Variants in CSGALNACT1 observed in about 807,000 individuals in gnomAD.
CSGALNACT1 encodes the protein beta4GalNAcT-1.
In CSGALNACT1, 52 loss-of-function variants were observed where a neutral mutation model predicts 51.0. The ratio of observed to expected loss-of-function variants is 1.02; its 90% confidence interval spans 0.82 to 1.29. The LOEUF (loss-of-function observed/expected upper bound fraction) is 1.29, where lower values mean the gene tolerates loss of function less well. Ranked by LOEUF, CSGALNACT1 falls within the 50% of genes most tolerant of loss-of-function variation. The pLI is 0.00. For missense variants in CSGALNACT1, 935 were observed against 679.2 expected (o/e 1.38, Z -4.19); for synonymous variants, 341 against 254.4 (o/e 1.34, Z -3.24).
intron 4 of CSGALNACT1, among the ~76,000 whole-genome samples, chr8:19,470,261 T>A (rs1172131493): frequency 2.0e-5 from 3 of 152,054 alleles, no homozygotes; most frequent in African/African-American, 7.2e-5. Flanking sequence ...CAGGAGCTCA[T>A]GGCGCTAAGT....
chr8:19,667,006 A>G lies in CSGALNACT1; in HGVS notation c.-544+15467T>C, dbSNP rs1228714060. ...AAGAAAGAAAGAAAGAAAGAAAGAAAGAAAGAAAGAAAGGAAGGAAGGAAG... is the reference window on the plus strand; with the variant it reads ...AAGAAAGAAAGAAAGAAAGAAAGAAGGAAAGAAAGAAAGGAAGGAAGGAAG... On this transcript the variant is annotated intron_variant, in intron 1 of 9. Transcript: ENST00000332246. Among the ~76,000 whole-genome samples, 48 of 30,960 alleles carry G rather than the reference A, an allele frequency of 1.6e-3. 6 individuals carry two copies. Among genetic ancestry groups the G allele is most frequent in the Middle Eastern group, 0.017 (1 of 60 alleles). The allele number at this position is 30,960 out of a possible 152,430, so 20.3% of individuals were successfully genotyped here.
At chr8:19,573,517 C>A (rs979221949) in intron 3 of CSGALNACT1, among the ~76,000 whole-genome samples, 2 of 151,802 alleles carry the variant, frequency 1.3e-5, no homozygotes, top group Non-Finnish European at 2.9e-5. Flanking sequence ...GATCTCTGCT[C>A]ACTGTAACCT....
intron 1 of CSGALNACT1, among the ~76,000 whole-genome samples, chr8:19,650,190 C>G (rs368133529): frequency 6.6e-6 from 1 of 152,076 alleles, no homozygotes; most frequent in Non-Finnish European, 1.5e-5. Flanking sequence ...AGGCACCAGG[C>G]AATACATAAA....
chr8:19,608,721 C>T (rs531387999), intron 1 of CSGALNACT1, among the ~76,000 whole-genome samples: 1 of 152,228 alleles, frequency 6.6e-6, no homozygotes, highest in East Asian at 1.9e-4. Flanking sequence ...TAAATTCTAC[C>T]CTGTACTCTG....
intron 1 of CSGALNACT1, among the ~76,000 whole-genome samples, chr8:19,754,746 C>T (rs979189528): frequency 1.3e-5 from 2 of 152,228 alleles, no homozygotes; most frequent in East Asian, 3.8e-4. Flanking sequence ...AGTTAAATTT[C>T]TTTGCTACCT....
intron 1 of CSGALNACT1, among the ~76,000 whole-genome samples, chr8:19,615,573 T>A (rs756696077): frequency 1.8e-4 from 27 of 152,116 alleles, no homozygotes; most frequent in Non-Finnish European, 3.4e-4. Context: ...AATAGAGAAT[T>A]ATAAGAAACA....
intron 1 of CSGALNACT1, among the ~76,000 whole-genome samples, chr8:19,721,647 A>C (rs1002464833): frequency 3.3e-5 from 5 of 152,222 alleles, no homozygotes; most frequent in Non-Finnish European, 7.3e-5. Context: ...TTCCATGACA[A>C]ACACAGAATT....
At chr8:19,447,851 C>G (rs1300332689) in intron 5 of CSGALNACT1, among the ~76,000 whole-genome samples, 2 of 152,164 alleles carry the variant, frequency 1.3e-5, no homozygotes, top group Non-Finnish European at 2.9e-5. Context: ...AGAGACAAAG[C>G]TACAAAAAAC....
chr8:19,507,650 G>T (rs1007678747), intron 3 of CSGALNACT1, among the ~76,000 whole-genome samples: 4 of 151,362 alleles, frequency 2.6e-5, no homozygotes, highest in African/African-American at 9.7e-5. Context: ...TCTTTGTCGA[G>T]ACAGAGTCTC....
chr8:19,475,310 T>A (rs1404389600), intron 4 of CSGALNACT1, among the ~76,000 whole-genome samples: 1 of 152,184 alleles, frequency 6.6e-6, no homozygotes, highest in East Asian at 1.9e-4. Flanking sequence ...AGGCAGCCTG[T>A]GAGTCACATA....
At chr8:19,661,449 A>G (rs1187355718) in intron 1 of CSGALNACT1, among the ~76,000 whole-genome samples, 2 of 152,142 alleles carry the variant, frequency 1.3e-5, no homozygotes, top group Admixed American at 1.3e-4. Context: ...TCAATGAAAA[A>G]CTGTCTTCAA....
At chr8:19,664,382 T>C (rs1173784223) in intron 1 of CSGALNACT1, among the ~76,000 whole-genome samples, 1 of 152,198 alleles carries the variant, frequency 6.6e-6, no homozygotes, top group South Asian at 2.1e-4. Context: ...TCTATACTGC[T>C]GGTGGGAATG....
At chr8:19,733,430 G>C (rs987285381) in intron 1 of CSGALNACT1, among the ~76,000 whole-genome samples, 1 of 152,010 alleles carries the variant, frequency 6.6e-6, no homozygotes, top group Non-Finnish European at 1.5e-5. Flanking sequence ...TTTTCTATTA[G>C]TAAGAATAAA....
chr8:19,739,113 T>A (rs2064157025), intron 1 of CSGALNACT1, among the ~76,000 whole-genome samples: 1 of 151,910 alleles, frequency 6.6e-6, no homozygotes, highest in South Asian at 2.1e-4. Flanking sequence ...AAAGACCTTA[T>A]CAAGTTGAAA....
At chr8:19,660,635 A>G (rs566767767) in intron 1 of CSGALNACT1, among the ~76,000 whole-genome samples, 75 of 152,242 alleles carry the variant, frequency 4.9e-4, no homozygotes, top group African/African-American at 1.7e-3. Context: ...ACCATGCAGG[A>G]CCCACTAGGT....
At chr8:19,712,440 G>C (rs1445886815) in intron 1 of CSGALNACT1, among the ~76,000 whole-genome samples, 1 of 152,150 alleles carries the variant, frequency 6.6e-6, no homozygotes, top group Non-Finnish European at 1.5e-5. Flanking sequence ...AGGGAACCAG[G>C]AAAAGAATAT....
At chr8:19,563,285 AGGGG>A (rs944533500) in intron 3 of CSGALNACT1, among the ~76,000 whole-genome samples, 3 of 152,120 alleles carry the variant, frequency 2.0e-5, no homozygotes, top group African/African-American at 7.2e-5. Context: ...CAGGAGGGTC[AGGGG>A]GAGGGAGAGC....
chr8:19,556,685 TCTC>T (rs1475515102), intron 3 of CSGALNACT1, among the ~76,000 whole-genome samples: 1 of 151,914 alleles, frequency 6.6e-6, no homozygotes, highest in African/African-American at 2.4e-5. Flanking sequence ...TATAATAGAT[TCTC>T]CTTTTTTTTT....
intron 4 of CSGALNACT1, among the ~76,000 whole-genome samples, chr8:19,467,930 G>A (rs2067097527): frequency 1.3e-5 from 2 of 152,190 alleles, no homozygotes; most frequent in African/African-American, 2.4e-5. Flanking sequence ...AGGCTGCAGT[G>A]AGCTGTGATT....
Sources: allele counts gnomAD v4.1 joint callset (sites outside exome capture counted in the v4.1 genomes callset), GRCh38; gene constraint gnomAD v4.1.1; transcripts MANE v1.5; gene names NCBI Gene and HGNC (gene_info 2026-07-23, HGNC 2026-07-21).